Variants in RBFOX1 observed in about 807,000 individuals in gnomAD.
RBFOX1 encodes RNA binding protein fox-1 homolog 1.
In RBFOX1, 8 loss-of-function variants were observed where a neutral mutation model predicts 57.7. That is an observed-to-expected ratio of 0.14 (90% confidence interval 0.08 to 0.25). The LOEUF (loss-of-function observed/expected upper bound fraction) is 0.25, where lower values mean the gene tolerates loss of function less well. RBFOX1 is among the 10% of genes least tolerant of loss of function. RBFOX1 has a pLI of 1.00. For synonymous variants in RBFOX1, 326 were observed against 222.4 expected, an observed-to-expected ratio of 1.47 and a Z score of -4.15; for missense variants, 611 against 548.5, an observed-to-expected ratio of 1.11 and a Z score of -1.14.
chr16:5,691,769 T>A (rs1347923963), intron 3 of RBFOX1, among the ~76,000 whole-genome samples: 3 of 151,924 alleles, frequency 2.0e-5, no homozygotes, highest in Non-Finnish European at 4.4e-5. Context: ...GTAAACATTA[T>A]CTTTTTTTTT....
At chr16:6,739,757 G>A (rs1283383724) in intron 3 of RBFOX1, among the ~76,000 whole-genome samples, 3 of 152,036 alleles carry the variant, frequency 2.0e-5, no homozygotes, top group Admixed American at 1.3e-4. Flanking sequence ...GGTGCCTGTA[G>A]TCTCGGCTCC....
At chr16:6,431,542 A>G (rs766755760) in intron 2 of RBFOX1, among the ~76,000 whole-genome samples, 2 of 152,048 alleles carry the variant, frequency 1.3e-5, no homozygotes, top group Non-Finnish European at 2.9e-5. Flanking sequence ...CTACAAGCAG[A>G]TAAAACAGGG....
chr16:5,706,446 C>A (rs549980236), intron 3 of RBFOX1, among the ~76,000 whole-genome samples: 1 of 152,110 alleles, frequency 6.6e-6, no homozygotes, highest in African/African-American at 2.4e-5. Context: ...CCCTGGTGCT[C>A]CCCCGTCATT....
chr16:7,431,348 T>A (rs1045890552), intron 4 of RBFOX1: 2 of 152,202 alleles, frequency 1.3e-5, no homozygotes, highest in East Asian at 3.9e-4. Context: ...TGCCTCAGCC[T>A]CCTAAGTAGC....
intron 3 of RBFOX1, among the ~76,000 whole-genome samples, chr16:6,883,421 G>C (rs1363333227): frequency 2.0e-5 from 3 of 152,160 alleles, no homozygotes; most frequent in Admixed American, 6.5e-5. Flanking sequence ...CTTAATTAAT[G>C]TGTTGGTTCA....
At chr16:7,358,844 A>G (rs1381644908) in intron 4 of RBFOX1, among the ~76,000 whole-genome samples, 2 of 152,238 alleles carry the variant, frequency 1.3e-5, no homozygotes, top group Admixed American at 6.5e-5. Flanking sequence ...TGACTTATCT[A>G]CATAATACGA....
At chr16:7,220,839 A>G (rs976904913) in intron 4 of RBFOX1, among the ~76,000 whole-genome samples, 24 of 151,980 alleles carry the variant, frequency 1.6e-4, no homozygotes, top group South Asian at 1.0e-3. Flanking sequence ...CTTGATCTCT[A>G]TCCACCCTTA....
At chr16:6,572,169 T>C (rs1265854502) in intron 2 of RBFOX1, among the ~76,000 whole-genome samples, 1 of 152,208 alleles carries the variant, frequency 6.6e-6, no homozygotes, top group Non-Finnish European at 1.5e-5. Flanking sequence ...TTACTTGATA[T>C]CCCGTCGTGG....
At chr16:6,165,400 C>T (rs1216728884) in intron 1 of RBFOX1, among the ~76,000 whole-genome samples, 2 of 152,114 alleles carry the variant, frequency 1.3e-5, no homozygotes, top group Non-Finnish European at 2.9e-5. Context: ...GCATGAGTTA[C>T]AGGGTTCATT....
chr16:7,426,800 A>G (rs1844241635), intron 4 of RBFOX1, among the ~76,000 whole-genome samples: 1 of 152,182 alleles, frequency 6.6e-6, no homozygotes, highest in Admixed American at 6.5e-5. Context: ...CAGGGGTGTA[A>G]GCAGAGAGGC....
Position 6,280,043 on chromosome 16 carries a change from G to T in RBFOX1, c.-126-36952G>T, listed in dbSNP as rs553960384. Among the ~76,000 whole-genome samples, 32 of 152,116 alleles carry T rather than the reference G, an allele frequency of 2.1e-4. 1 individual carries two copies. The South Asian group carries it at 5.8e-3, about 28-fold the overall frequency. ...GCAGGTTAGAAATATGAGCAGAAAA[G>T]ATTAAAACACGATTCATCCTAGAAA... is the stretch of plus-strand genomic sequence containing the variant. On this transcript the variant is annotated intron_variant, in intron 1 of 15. Transcript: ENST00000550418.
At chr16:5,396,985 G>C (rs749360401) in intron 1 of RBFOX1, among the ~76,000 whole-genome samples, 1 of 152,186 alleles carries the variant, frequency 6.6e-6, no homozygotes, top group Admixed American at 6.5e-5. Flanking sequence ...AGTCAGACCA[G>C]TTTCTTGCCT....
At chr16:7,326,071 C>A (rs1324391857) in intron 4 of RBFOX1, among the ~76,000 whole-genome samples, 1 of 152,100 alleles carries the variant, frequency 6.6e-6, no homozygotes, top group African/African-American at 2.4e-5. Context: ...TGTTGTTTAA[C>A]CTTGGACAAG....
chr16:6,500,530 T>C (rs187352832), intron 2 of RBFOX1, among the ~76,000 whole-genome samples: 1 of 152,194 alleles, frequency 6.6e-6, no homozygotes, highest in African/African-American at 2.4e-5. Context: ...GATTAAGTCA[T>C]CTCAGGAATG....
At chr16:6,665,609 G>C (rs7205710) in intron 3 of RBFOX1, among the ~76,000 whole-genome samples, 12,881 of 141,542 alleles carry the variant, frequency 0.091, 653 homozygotes, top group East Asian at 0.18. Flanking sequence ...TGGGTAACAA[G>C]AGTGAAACTC....
rs35956460 is a variant in RBFOX1 at position 6,001,968 on chromosome 16, C to CTT, written c.351+134648_351+134649dup. On this transcript the variant is annotated intron_variant, in intron 4 of 19. Transcript: ENST00000641259. ...CATGAATAATCTATAGCTCTTAAAC[C>CTT]TTTTTTTTTTTTTTTTGAGACTGGG... Among the ~76,000 whole-genome samples, 163 of 136,108 alleles carry CTT rather than the reference C, an allele frequency of 1.2e-3. 2 individuals are homozygous for CTT. The Middle Eastern group carries it at 0.02, about 17-fold the overall frequency. 89.3% of individuals were successfully genotyped at this position (136,108 alleles called of 152,430 possible). A position where few individuals can be genotyped will look rare whatever the true frequency, so the allele number is the denominator to read the frequency against.
chr16:6,368,321 A>T (rs1409942026), intron 2 of RBFOX1, among the ~76,000 whole-genome samples: 3 of 152,232 alleles, frequency 2.0e-5, no homozygotes, highest in Non-Finnish European at 4.4e-5. Context: ...AACCCCAGGA[A>T]TCTTCAGTCT....
chr16:7,160,519 AT>A (rs912914577), intron 4 of RBFOX1, among the ~76,000 whole-genome samples: 7 of 152,100 alleles, frequency 4.6e-5, no homozygotes, highest in South Asian at 4.2e-4. Flanking sequence ...TGTTATACAT[AT>A]TTTTTTATTT....
At chr16:6,877,475 C>T (rs112304672) in intron 3 of RBFOX1, among the ~76,000 whole-genome samples, 7 of 152,152 alleles carry the variant, frequency 4.6e-5, no homozygotes, top group South Asian at 2.1e-4. Context: ...TGCTTGATAT[C>T]AGACCATAAA....
Sources: allele counts gnomAD v4.1 joint callset (sites outside exome capture counted in the v4.1 genomes callset), GRCh38; gene constraint gnomAD v4.1.1; transcripts MANE v1.5; gene names NCBI Gene and HGNC (gene_info 2026-07-23, HGNC 2026-07-21).